Variants in CSTPP1 observed in about 807,000 individuals in gnomAD.
The protein encoded by CSTPP1 is UPF0705 protein C11orf49.
chr11:46,967,696 A>G, the CSTPP1 span, among the ~76,000 whole-genome samples: 3 of 152,014 alleles, frequency 2.0e-5, no homozygotes, highest in Non-Finnish European at 1.5e-5. Context: ...CTCCATAAAT[A>G]TTAGCTAATC....
chr11:47,164,076 T>C, the CSTPP1 span: 27 of 1,596,342 alleles, frequency 1.7e-5, no homozygotes, highest in Non-Finnish European at 2.2e-5. Context: ...GCCAGCTCTT[T>C]CCTCTGCGTG....
At chr11:47,059,509 T>C in the CSTPP1 span, among the ~76,000 whole-genome samples, 2 of 152,062 alleles carry the variant, frequency 1.3e-5, no homozygotes, top group Non-Finnish European at 2.9e-5. Flanking sequence ...GCAAAGACAG[T>C]TGGGATGGAT....
the CSTPP1 span, among the ~76,000 whole-genome samples, chr11:46,955,523 C>G: frequency 2.0e-5 from 3 of 151,960 alleles, no homozygotes; most frequent in Non-Finnish European, 2.9e-5. Flanking sequence ...GCCACCACAC[C>G]TGGCTAATTT....
chr11:47,017,179 T>C, the CSTPP1 span, among the ~76,000 whole-genome samples: 1 of 145,136 alleles, frequency 6.9e-6, no homozygotes, highest in Non-Finnish European at 1.5e-5. Context: ...ATGAATTTTT[T>C]TTTTTTTTTT....
At chr11:47,039,467 A>T in the CSTPP1 span, among the ~76,000 whole-genome samples, 1 of 126,444 alleles carries the variant, frequency 7.9e-6, no homozygotes, top group East Asian at 2.1e-4. Context: ...GGAGAGAGGG[A>T]GAGGGAGACC....
At chr11:46,974,845 ACT>A in the CSTPP1 span, among the ~76,000 whole-genome samples, 186 of 146,092 alleles carry the variant, frequency 1.3e-3, no homozygotes, top group African/African-American at 4.3e-3. Flanking sequence ...ACAGAGTGAG[ACT>A]CTATCTCAAA....
At chr11:47,016,397 C>CAAAAAAAAAA in the CSTPP1 span, among the ~76,000 whole-genome samples, 16 of 74,542 alleles carry the variant, frequency 2.1e-4, no homozygotes, top group African/African-American at 4.3e-4. Flanking sequence ...CTACAAAAAA[C>CAAAAAAAAAA]AAAAAACAAA....
the CSTPP1 span, among the ~76,000 whole-genome samples, chr11:46,949,380 G>A: frequency 6.6e-6 from 1 of 152,258 alleles, no homozygotes; most frequent in African/African-American, 2.4e-5. Flanking sequence ...GGGTTGGCAC[G>A]ATAAAGAATA....
chr11:47,036,264 TA>T, the CSTPP1 span, among the ~76,000 whole-genome samples: 3 of 32,884 alleles, frequency 9.1e-5, no homozygotes, highest in African/African-American at 3.9e-4. Flanking sequence ...TATTATATAA[TA>T]TATATATTAT....
chr11:47,027,238 G>A, the CSTPP1 span, among the ~76,000 whole-genome samples: 1 of 152,206 alleles, frequency 6.6e-6, no homozygotes, highest in South Asian at 2.1e-4. Context: ...AAGCTGATGT[G>A]TTAGGGATGG....
the CSTPP1 span, among the ~76,000 whole-genome samples, chr11:47,113,489 C>G: frequency 2.0e-5 from 3 of 152,216 alleles, no homozygotes; most frequent in Non-Finnish European, 4.4e-5. Flanking sequence ...GTTCCTATTC[C>G]TCCACCTCCT....
At chr11:47,055,761 T>C in the CSTPP1 span, among the ~76,000 whole-genome samples, 1 of 152,216 alleles carries the variant, frequency 6.6e-6, no homozygotes, top group African/African-American at 2.4e-5. Context: ...ATTGCCTCTT[T>C]GACATATAAC....
the CSTPP1 span, among the ~76,000 whole-genome samples, chr11:47,110,890 C>CTTTTTTTTTTTTT: frequency 8.0e-6 from 1 of 125,496 alleles, no homozygotes; most frequent in Non-Finnish European, 1.6e-5. Context: ...GAGAACACAT[C>CTTTTTTTTTTTTT]TTTTTTTTTT....
the CSTPP1 span, among the ~76,000 whole-genome samples, chr11:47,025,552 AATT>A: frequency 2.0e-5 from 3 of 152,202 alleles, no homozygotes; most frequent in Admixed American, 6.5e-5. Flanking sequence ...ATGGTTTGAG[AATT>A]ATTATACTTG....
the CSTPP1 span, among the ~76,000 whole-genome samples, chr11:47,042,264 G>T: frequency 1.7e-4 from 26 of 150,568 alleles, no homozygotes; most frequent in African/African-American, 6.1e-4. Flanking sequence ...ATGGAAGAAA[G>T]ATTTCATTAT....
At chr11:46,973,135 A>C in the CSTPP1 span, among the ~76,000 whole-genome samples, 4 of 152,204 alleles carry the variant, frequency 2.6e-5, no homozygotes, top group African/African-American at 4.8e-5. Context: ...TGTTGAAGTT[A>C]TGAAAGTCAT....
At chr11:47,099,835 T>C in the CSTPP1 span, among the ~76,000 whole-genome samples, 1 of 152,220 alleles carries the variant, frequency 6.6e-6, no homozygotes, top group Non-Finnish European at 1.5e-5. Flanking sequence ...CAAATGCTGC[T>C]GAAATTAGCA....
chr11:47,159,845 A>T, the CSTPP1 span: 2 of 373,998 alleles, frequency 5.3e-6, no homozygotes, highest in South Asian at 4.0e-5. Context: ...TCTCTACTGA[A>T]AATACAAAAT....
the CSTPP1 span, among the ~76,000 whole-genome samples, chr11:47,028,214 C>T: frequency 2.0e-5 from 3 of 152,270 alleles, no homozygotes; most frequent in African/African-American, 7.2e-5. Flanking sequence ...TGAGCCATCA[C>T]GCCCGGCCAC....
Sources: gnomAD v4.1 joint callset for allele counts (sites outside exome capture counted in the v4.1 genomes callset) on GRCh38, gnomAD v4.1.1 for gene constraint, MANE v1.5 for transcripts, NCBI Gene and HGNC (gene_info 2026-07-23, HGNC 2026-07-21) for gene names.